Variants in PLS3 observed in about 807,000 individuals in gnomAD.
PLS3 encodes the protein plastin 3.
PLS3 carries 11 observed loss-of-function variants against 46.5 expected under a neutral mutation model. That is an observed-to-expected ratio of 0.24 (90% CI 0.15 to 0.39). PLS3 has a LOEUF of 0.39. Ranked by LOEUF, PLS3 falls within the 10% of genes least tolerant of loss-of-function variation. PLS3 has a pLI of 1.00. For missense variants in PLS3, 308 were observed against 461.8 expected, an observed-to-expected ratio of 0.67 and a Z score of 3.05; for synonymous variants, 167 against 162.2, an observed-to-expected ratio of 1.03 and a Z score of -0.22.
At chrX:115,614,694 G>A (rs1260536006) in intron 2 of PLS3, among the ~76,000 whole-genome samples, 2 of 111,875 alleles carry the variant, frequency 1.8e-5, no homozygotes, top group African/African-American at 6.5e-5. Flanking sequence ...TCTTTTGACC[G>A]AGTCTTTTAA....
At chrX:115,618,805 C>T (rs1005218901) in intron 2 of PLS3, among the ~76,000 whole-genome samples, 8 of 110,019 alleles carry the variant, frequency 7.3e-5, no homozygotes, top group Non-Finnish European at 1.1e-4. Flanking sequence ...GCAGGAGAAT[C>T]GCTTGAACCC....
chrX:115,581,871 A>G (rs1413933613), intron 1 of PLS3, among the ~76,000 whole-genome samples: 1 of 111,954 alleles, frequency 8.9e-6, no homozygotes, highest in African/African-American at 3.2e-5. Context: ...ACTTCTATAA[A>G]GAAAACTTCC....
At chrX:115,622,544 C>A in intron 3 of PLS3, 135 bp downstream of exon 3, 1 of 381,632 alleles carries the variant, frequency 2.6e-6, no homozygotes, top group Admixed American at 5.4e-5. Flanking sequence ...TTCTGTCATC[C>A]TGCCCACTAA....
chrX:115,611,007 A>C, intron 2 of PLS3: 1 of 481,114 alleles, frequency 2.1e-6, no homozygotes. Context: ...AGAACAGCCT[A>C]CTTATGTAAA....
At chrX:115,643,547 G>C in intron 10 of PLS3, 39 bp downstream of exon 10, 6 of 792,203 alleles carry the variant, frequency 7.6e-6, no homozygotes, top group Non-Finnish European at 1.1e-5. Context: ...TGGGACTATA[G>C]AGTAGAAATA....
chrX:115,649,163 A>G (rs2074980691), intron 15 of PLS3, among the ~76,000 whole-genome samples: 1 of 111,738 alleles, frequency 8.9e-6, no homozygotes, highest in Non-Finnish European at 1.9e-5. Context: ...TTGGTGCTTC[A>G]AGCTTAATTC....
intron 1 of PLS3, among the ~76,000 whole-genome samples, chrX:115,570,446 T>G (rs1423498186): frequency 9.1e-6 from 1 of 110,334 alleles, no homozygotes; most frequent in Non-Finnish European, 1.9e-5. Flanking sequence ...TTAGATGATT[T>G]TTGTCAGGCA....
intron 1 of PLS3, among the ~76,000 whole-genome samples, chrX:115,603,643 C>T (rs140298173): frequency 8.7e-4 from 97 of 110,915 alleles, no homozygotes; most frequent in African/African-American, 2.8e-3. Context: ...TGCTTGGTGG[C>T]ACACATCTGT....
At position 115,633,193 on chromosome X, in the gene PLS3, C is replaced by T. The variant is rs187508623; in HGVS notation, c.501-807C>T. On this transcript the variant is annotated intron_variant, in intron 5 of 15. Coordinates refer to ENST00000355899, the MANE Select transcript of PLS3 (RefSeq NM_005032.7). ...TCTTTTTGGGTTTTTTTTTTTTTAA[C>T]GGCATCTTGCTGTGTTGTCCAGGAT... is the stretch of plus-strand genomic sequence containing the variant. Among the ~76,000 whole-genome samples the T allele has an allele frequency of 7.9e-3, 850 of 107,362 alleles. 9 individuals are homozygous for T. The highest frequency in any genetic ancestry group is 0.027 in the African/African-American group (785 of 29,395). 93.2% of individuals were successfully genotyped at this position (107,362 alleles called of 115,157 possible).
In PLS3 at chrX:115,631,737, A is replaced by AAT. The variant is rs782088119; in HGVS notation, c.500+1782_500+1783dup. ...TGACCCTGTCTGTCTAAGAAATAAG[A>AAT]ATATATATATATACATTTCCTTTGT... On this transcript the variant is annotated intron_variant, in intron 5 of 15. Coordinates refer to ENST00000355899, the MANE Select transcript of PLS3 (RefSeq NM_005032.7). Among the ~76,000 whole-genome samples, 501 of 110,296 alleles carry AAT rather than the reference A, an allele frequency of 4.5e-3. 7 individuals are homozygous for AAT. The highest frequency in any genetic ancestry group is 0.016 in the African/African-American group (479 of 30,337).
intron 1 of PLS3, among the ~76,000 whole-genome samples, chrX:115,599,702 G>T (rs1301515132): frequency 9.5e-6 from 1 of 105,377 alleles, no homozygotes; most frequent in South Asian, 4.5e-4. Context: ...GTCCAATCTC[G>T]GCTCACTGCA....
At chrX:115,575,302 C>G (rs1174492705) in intron 1 of PLS3, among the ~76,000 whole-genome samples, 1 of 112,065 alleles carries the variant, frequency 8.9e-6, no homozygotes, top group Admixed American at 9.5e-5. Flanking sequence ...ATGGGACATG[C>G]AAACATTAAG....
At chrX:115,621,318 A>G (rs1454367859) in intron 2 of PLS3, among the ~76,000 whole-genome samples, 1 of 112,638 alleles carries the variant, frequency 8.9e-6, no homozygotes, top group Non-Finnish European at 1.9e-5. Flanking sequence ...CCCGGCCACA[A>G]TACATTTTCT....
intron 8 of PLS3, among the ~76,000 whole-genome samples, chrX:115,638,268 G>A (rs1221040033): frequency 9.0e-6 from 1 of 111,332 alleles, no homozygotes; most frequent in African/African-American, 3.3e-5. Context: ...CCACCACCAC[G>A]CCTGGTTAAT....
chrX:115,605,683 C>T (rs911026077), intron 1 of PLS3, among the ~76,000 whole-genome samples: 1 of 110,946 alleles, frequency 9.0e-6, no homozygotes, highest in Non-Finnish European at 1.9e-5. Context: ...AGGCTGGTCT[C>T]GAACTCCTGA....
At chrX:115,607,322 A>G (rs1409455250) in intron 1 of PLS3, among the ~76,000 whole-genome samples, 3 of 110,689 alleles carry the variant, frequency 2.7e-5, no homozygotes, top group Non-Finnish European at 3.8e-5. Flanking sequence ...CTTCATTACT[A>G]ACTGAAGAAC....
At chrX:115,627,999 C>T (rs1603239635) in intron 3 of PLS3, among the ~76,000 whole-genome samples, 1 of 112,178 alleles carries the variant, frequency 8.9e-6, no homozygotes, top group African/African-American at 3.2e-5. Flanking sequence ...AGCAACTTTT[C>T]TACCAGTTAC....
intron 15 of PLS3, among the ~76,000 whole-genome samples, chrX:115,648,273 A>T (rs1457808543): frequency 1.8e-5 from 2 of 111,986 alleles, no homozygotes; most frequent in African/African-American, 3.2e-5. Flanking sequence ...TCAGTGGATT[A>T]CAGAAATAAT....
At chrX:115,631,322 C>T (rs1284603049) in intron 5 of PLS3, among the ~76,000 whole-genome samples, 4 of 109,466 alleles carry the variant, frequency 3.7e-5, no homozygotes, top group African/African-American at 1.0e-4. Context: ...CTGCCCGCCT[C>T]GGCCTCCCAA....
Sources: gnomAD v4.1 joint callset for allele counts (sites outside exome capture counted in the v4.1 genomes callset) on GRCh38, gnomAD v4.1.1 for gene constraint, MANE v1.5 for transcripts, NCBI Gene and HGNC (gene_info 2026-07-23, HGNC 2026-07-21) for gene names.